HMGA2: variants seen among roughly 807,000 people sequenced by gnomAD.
HMGA2 encodes high mobility group protein HMGI-C.
HMGA2 carries 8 observed loss-of-function variants against 19.1 expected under a neutral mutation model. The ratio of observed to expected loss-of-function variants is 0.42; its 90% CI spans 0.25 to 0.76. The LOEUF (loss-of-function observed/expected upper bound fraction) is 0.76, where lower values mean the gene tolerates loss of function less well. Ranked by LOEUF, HMGA2 falls within the 30% of genes least tolerant of loss-of-function variation. The pLI is 0.28. For synonymous variants in HMGA2, 60 were observed against 48.8 expected, an observed-to-expected ratio of 1.23 and a Z score of -0.96; for missense variants, 109 against 136.3, an observed-to-expected ratio of 0.80 and a Z score of 1.00.
chr12:65,904,181 A>G (rs1375671540), intron 3 of HMGA2, among the ~76,000 whole-genome samples: 4 of 152,078 alleles, frequency 2.6e-5, no homozygotes, highest in Non-Finnish European at 4.4e-5. Flanking sequence ...AACGTCATAG[A>G]ATTAACTCAT....
intron 4 of HMGA2, among the ~76,000 whole-genome samples, chr12:65,960,168 C>T (rs945481898): frequency 2.0e-5 from 3 of 152,284 alleles, no homozygotes; most frequent in Admixed American, 1.3e-4. Context: ...GGATTACAGG[C>T]GTAAGCCACC....
At chr12:65,963,031 A>G (rs1055505787) in intron 4 of HMGA2, among the ~76,000 whole-genome samples, 4 of 152,154 alleles carry the variant, frequency 2.6e-5, no homozygotes, top group Non-Finnish European at 4.4e-5. Context: ...CCTTAAGTCA[A>G]CAGTGGCTAA....
At chr12:65,942,360 G>A (rs537215475) in intron 3 of HMGA2, among the ~76,000 whole-genome samples, 1 of 152,160 alleles carries the variant, frequency 6.6e-6, no homozygotes, top group South Asian at 2.1e-4. Context: ...CATACACAGA[G>A]AAAAAGAAAT....
chr12:65,848,415 G>C (rs965189266), intron 3 of HMGA2, among the ~76,000 whole-genome samples: 1 of 152,114 alleles, frequency 6.6e-6, no homozygotes, highest in Non-Finnish European at 1.5e-5. Flanking sequence ...TTTCTTTCAA[G>C]GGCATTTGAA....
intron 4 of HMGA2, among the ~76,000 whole-genome samples, chr12:65,962,896 G>A (rs1039585927): frequency 4.6e-5 from 7 of 152,082 alleles, no homozygotes; most frequent in Non-Finnish European, 7.4e-5. Context: ...CTGATGAATG[G>A]CATGCTGTCG....
At chr12:65,940,010 T>C (rs1211324800) in intron 3 of HMGA2, among the ~76,000 whole-genome samples, 2 of 152,142 alleles carry the variant, frequency 1.3e-5, no homozygotes, top group Non-Finnish European at 2.9e-5. Flanking sequence ...AGTCCAGAGG[T>C]ACAGGAACTG....
At position 65,824,721 on chromosome 12, in the gene HMGA2, C is replaced by CTCTCTG. The variant is rs1348203279; in HGVS notation, c.-545_-544insGTCTCT. The CTCTCTG allele has an allele frequency of 2.7e-4, 26 of 98,024 alleles. No homozygotes were observed. The highest frequency in any genetic ancestry group is 1.1e-3 in the African/African-American group (25 of 22,918). 6.1% of individuals were successfully genotyped at this position (98,024 alleles called of 1,614,324 possible). Reference sequence around the variant, plus strand: ...CTTTCAATCTCAATCTCTTCTCTCTCTCTCTCTCTCTCTCTCTCTCTCTCT... The same window carrying CTCTCTG: ...CTTTCAATCTCAATCTCTTCTCTCTCTCTCTGTCTCTCTCTCTCTCTCTCTCTCTCT... On this transcript the variant is annotated 5_prime_UTR_variant, in exon 1 of 5. Coordinates refer to ENST00000403681, the MANE Select transcript of HMGA2 (RefSeq NM_003483.6).
In HMGA2 at chr12:65,952,548, G is replaced by A. The variant is rs1234418703; in HGVS notation, c.282+1133G>A. ...TACCATGAAAAAAATCATTTTCATT[G>A]CTGCTCCCATACCTAAAAGCTAAGA... On this transcript the variant is annotated intron_variant, in intron 4 of 4. Coordinates refer to ENST00000403681, the MANE Select transcript of HMGA2 (RefSeq NM_003483.6). 7 of 1,407,036 alleles carry A rather than the reference G, an allele frequency of 5.0e-6. No homozygotes were observed. In the African/African-American group the frequency reaches 5.7e-5, roughly 12 times the overall value. The allele number at this position is 1,407,036 out of a possible 1,614,324, so 87.2% of individuals were successfully genotyped here.
At chr12:65,892,362 G>T (rs529476210) in intron 3 of HMGA2, among the ~76,000 whole-genome samples, 23 of 152,092 alleles carry the variant, frequency 1.5e-4, no homozygotes, top group Admixed American at 9.8e-4. Flanking sequence ...CACGAGAGTC[G>T]TCCCAACTGT....
At chr12:65,826,585 A>G (rs192732071) in intron 1 of HMGA2, 78 of 152,270 alleles carry the variant, frequency 5.1e-4, no homozygotes, top group Middle Eastern at 3.4e-3. Context: ...GCATTTTAGA[A>G]AAATTGAGAG....
chr12:65,908,216 A>G (rs1592437637), intron 3 of HMGA2, among the ~76,000 whole-genome samples: 2 of 152,284 alleles, frequency 1.3e-5, no homozygotes, highest in Admixed American at 1.3e-4. Flanking sequence ...TGACTGTCAA[A>G]CAGCCATTAC....
intron 3 of HMGA2, among the ~76,000 whole-genome samples, chr12:65,876,053 G>A (rs1873005698): frequency 1.3e-5 from 2 of 152,034 alleles, no homozygotes; most frequent in Admixed American, 1.3e-4. Context: ...CTTTGTTGAT[G>A]TCTTCAGTTT....
intron 3 of HMGA2, among the ~76,000 whole-genome samples, chr12:65,870,903 A>G (rs1164522856): frequency 6.6e-6 from 1 of 152,152 alleles, no homozygotes; most frequent in Admixed American, 6.5e-5. Flanking sequence ...GAGGGGGTGG[A>G]TGTGGACAGT....
At chr12:65,828,975 G>A (rs1301956696) in intron 2 of HMGA2, 1 of 152,132 alleles carries the variant, frequency 6.6e-6, no homozygotes, top group Non-Finnish European at 1.5e-5. Context: ...GGAAAAAAAA[G>A]TTTCTGCGTT....
chr12:65,961,957 T>A (rs1876764753), intron 4 of HMGA2, among the ~76,000 whole-genome samples: 1 of 152,204 alleles, frequency 6.6e-6, no homozygotes, highest in Non-Finnish European at 1.5e-5. Context: ...CTTTACTGAA[T>A]GGTGTACTGT....
chr12:65,895,222 C>T (rs984358030), intron 3 of HMGA2, among the ~76,000 whole-genome samples: 7 of 152,026 alleles, frequency 4.6e-5, no homozygotes, highest in Non-Finnish European at 8.8e-5. Flanking sequence ...CCTCCCTCAA[C>T]CCAGCAAACA....
At chr12:65,842,859 A>C in intron 3 of HMGA2, 2 of 1,305,020 alleles carry the variant, frequency 1.5e-6, no homozygotes, top group Non-Finnish European at 1.9e-6. Context: ...ATTTGGAGAA[A>C]GTTTTAGAGA....
intron 3 of HMGA2, among the ~76,000 whole-genome samples, chr12:65,911,246 G>T (rs1592439726): frequency 6.6e-6 from 1 of 152,144 alleles, no homozygotes; most frequent in Non-Finnish European, 1.5e-5. Context: ...AGTGTTGGAG[G>T]TAGGGAGCAG....
chr12:65,871,864 C>G (rs1157433670), intron 3 of HMGA2, among the ~76,000 whole-genome samples: 1 of 152,208 alleles, frequency 6.6e-6, no homozygotes, highest in African/African-American at 2.4e-5. Flanking sequence ...TGATTACCAA[C>G]AATATATTTA....
Sources: gnomAD v4.1 joint callset for allele counts (sites outside exome capture counted in the v4.1 genomes callset) on GRCh38, gnomAD v4.1.1 for gene constraint, MANE v1.5 for transcripts, NCBI Gene and HGNC (gene_info 2026-07-23, HGNC 2026-07-21) for gene names.